The following CASP9 variants were observed in gnomAD, a reference collection of about 807,000 sequenced individuals.
CASP9 encodes caspase-9.
A neutral mutation model predicts 43.5 loss-of-function variants in CASP9; 29 were observed. That is an observed-to-expected ratio of 0.67 (90% CI 0.50 to 0.91). The LOEUF (loss-of-function observed/expected upper bound fraction) is 0.91, where lower values mean the gene tolerates loss of function less well. Ranked by LOEUF, CASP9 falls within the 40% of genes least tolerant of loss-of-function variation. The probability of loss-of-function intolerance (pLI) is 0.00; values close to 1 mark genes in which losing one functional copy is unlikely to be tolerated. For missense variants in CASP9, 575 were observed against 537.4 expected, an observed-to-expected ratio of 1.07 and a Z score of -0.69; for synonymous variants, 206 against 211.9, an observed-to-expected ratio of 0.97 and a Z score of 0.24.
chr1:15,515,522 T>A (rs754707704), intron 2 of CASP9, among the ~76,000 whole-genome samples: 1 of 152,172 alleles, frequency 6.6e-6, no homozygotes, highest in Non-Finnish European at 1.5e-5. Flanking sequence ...AACCCACATG[T>A]CCATCAATAG....
chr1:15,493,617 C>A (rs1288849956), intron 8 of CASP9: 1 of 1,438,014 alleles, frequency 7.0e-7, no homozygotes, highest in African/African-American at 1.4e-5. Flanking sequence ...GCACTGAGGA[C>A]CAGCTCCATC....
Position 15,492,832 on chromosome 1 carries a change from TGCCGGCTGCA to T in CASP9, c.*101_*110del, listed in dbSNP as rs1336827390. The T allele has an allele frequency of 2.1e-6, 3 of 1,445,808 alleles. No homozygotes were observed. The highest frequency in any genetic ancestry group is 2.8e-6 in the Non-Finnish European group (3 of 1,072,470). 89.6% of individuals were successfully genotyped at this position (1,445,808 alleles called of 1,614,324 possible). On this transcript the variant is annotated 3_prime_UTR_variant, in exon 9 of 9. Transcript: ENST00000333868. ...ACTGGCAGAGAAAGAGCAGACCCTG[TGCCGGCTGCA>T]AAGTCCTTGAGTTGCAGGAAAGTCC... is the stretch of plus-strand genomic sequence containing the variant.
chr1:15,524,060 G>T lies in CASP9; in HGVS notation c.132+9C>A. 6.7e-7 allele frequency: 1 copy of T among 1,494,416 alleles called. No individual in the cohort carries two copies. Among genetic ancestry groups the T allele is most frequent in the East Asian group, 2.8e-5 (1 of 35,750 alleles). 92.6% of individuals were successfully genotyped at this position (1,494,416 alleles called of 1,614,324 possible). A position where few individuals can be genotyped will look rare whatever the true frequency, so the allele number is the denominator to read the frequency against. On this transcript the variant is annotated intron_variant, in intron 1 of 8. Coordinates refer to ENST00000333868, the MANE Select transcript of CASP9 (RefSeq NM_001229.5). ...CGTGCAGCGCGGGGACAGGGGGCCG[G>T]GGGCGCACCTGGATGTCCTCGATCA... is the stretch of plus-strand genomic sequence containing the variant.
chr1:15,520,793 A>T (rs1224658384), intron 1 of CASP9, among the ~76,000 whole-genome samples: 4 of 152,148 alleles, frequency 2.6e-5, no homozygotes, highest in African/African-American at 9.7e-5. Flanking sequence ...TCTACTAAAA[A>T]TACAAAAAAA....
intron 4 of CASP9, 87 bp downstream of exon 4, chr1:15,506,812 G>A: frequency 8.7e-7 from 1 of 1,151,740 alleles, no homozygotes; most frequent in South Asian, 1.4e-5. Flanking sequence ...CTCGCCTGGG[G>A]AGTCAGCTGG....
At chr1:15,513,282 C>G (rs1709833918) in intron 2 of CASP9, among the ~76,000 whole-genome samples, 1 of 151,966 alleles carries the variant, frequency 6.6e-6, no homozygotes, top group Admixed American at 6.5e-5. Context: ...GGGGATGCAG[C>G]ATTGAACAAA....
chr1:15,495,358 T>G lies in CASP9; in HGVS notation c.963A>C (p.Glu321Asp). The G allele has an allele frequency of 6.2e-7, 1 of 1,610,020 alleles. No homozygotes were observed. The highest frequency in any genetic ancestry group is 8.5e-7 in the Non-Finnish European group (1 of 1,178,712). The part of the protein sequence containing the change: ...NPEPDATPFQ[E>D]GLRTFDQLDA... Reference sequence around the variant, plus strand: ...CCAGCTGGTCGAAGGTCCTCAAACCTTCCTGGAACGGGGTGGCATCTGGCT... The same window carrying G: ...CCAGCTGGTCGAAGGTCCTCAAACCGTCCTGGAACGGGGTGGCATCTGGCT... The change falls in exon 7 of 9, where the codon GAA (glutamate) becomes GAC (aspartate). Residue 321 changes from glutamate to aspartate, a missense_variant. Physicochemically the swap from Glu to Asp is conservative, Grantham distance 45. Coordinates refer to ENST00000333868, the MANE Select transcript of CASP9 (RefSeq NM_001229.5).
At chr1:15,522,574 G>T (rs530041579) in intron 1 of CASP9, among the ~76,000 whole-genome samples, 1 of 152,250 alleles carries the variant, frequency 6.6e-6, no homozygotes, top group East Asian at 1.9e-4. Flanking sequence ...AATTAGCCAG[G>T]CATGGTGGCA....
Position 15,495,427 on chromosome 1 carries a change from C to A in CASP9, c.894G>T (p.Val298=). The A allele has an allele frequency of 6.3e-7, 1 of 1,599,954 alleles. No individual in the cohort carries two copies. The highest frequency in any genetic ancestry group is 2.2e-5 in the East Asian group (1 of 44,590). ...GGEQKDHGFE[V]ASTSPEDESP... The stretch of plus-strand genomic sequence containing the variant: ...ACTCGTCTTCAGGGGAAGTGGAGGC[C>A]ACCTCAAACCCATGGTCTTTCTGCT... The change falls in exon 7 of 9, where the codon GTG becomes GTT. Residue 298 remains valine, a synonymous_variant. Coordinates refer to ENST00000333868, the MANE Select transcript of CASP9 (RefSeq NM_001229.5).
At chr1:15,521,990 T>C (rs1338445942) in intron 1 of CASP9, among the ~76,000 whole-genome samples, 1 of 152,222 alleles carries the variant, frequency 6.6e-6, no homozygotes. Flanking sequence ...TAAGTCTCAC[T>C]AGCAGAACAG....
At chr1:15,521,856 G>C (rs1233630776) in intron 1 of CASP9, among the ~76,000 whole-genome samples, 6 of 152,178 alleles carry the variant, frequency 3.9e-5, no homozygotes, top group Non-Finnish European at 8.8e-5. Context: ...CACAGGCCCT[G>C]TAAGGCTTGA....
chr1:15,516,976 G>A (rs1413013559), intron 2 of CASP9, among the ~76,000 whole-genome samples: 1 of 152,212 alleles, frequency 6.6e-6, no homozygotes, highest in Non-Finnish European at 1.5e-5. Context: ...CCTTACAAGA[G>A]AGATGGAGAG....
At chr1:15,517,371 A>C (rs940453964) in intron 2 of CASP9, among the ~76,000 whole-genome samples, 1 of 152,166 alleles carries the variant, frequency 6.6e-6, no homozygotes, top group Non-Finnish European at 1.5e-5. Flanking sequence ...AAGGACAAGC[A>C]AAAGGGATCT....
rs199896576 is a variant in CASP9, at chr1:15,498,461, CA to C, written c.869-3010del. The stretch of plus-strand genomic sequence containing the variant: ...AACTCCTGAGCTCAAGCAATCACCC[CA>C]AAAAAATGGTTAAGATAGTAAATTT... On this transcript the variant is annotated intron_variant, in intron 6 of 8. Transcript: ENST00000333868. 3.6e-3 allele frequency among the ~76,000 whole-genome samples: 553 copies of C among 151,804 alleles called. 5 individuals are homozygous for C. The highest frequency in any genetic ancestry group is 0.022 in the East Asian group (116 of 5,182).
intron 2 of CASP9, among the ~76,000 whole-genome samples, chr1:15,515,332 G>A (rs1245877509): frequency 6.6e-6 from 1 of 152,152 alleles, no homozygotes; most frequent in Non-Finnish European, 1.5e-5. Context: ...ATGTTTGTCT[G>A]TTTCTCTGCT....
chr1:15,514,645 G>A (rs746719075), intron 2 of CASP9, among the ~76,000 whole-genome samples: 6 of 152,106 alleles, frequency 3.9e-5, no homozygotes, highest in South Asian at 2.1e-4. Flanking sequence ...TGTCTACCAC[G>A]GCACAGGGTG....
chr1:15,496,273 T>C (rs752768340), intron 6 of CASP9, among the ~76,000 whole-genome samples: 12 of 152,070 alleles, frequency 7.9e-5, no homozygotes, highest in Non-Finnish European at 1.8e-4. Context: ...TACCTCAACA[T>C]AGTAAAAGCC....
At position 15,518,396 on chromosome 1, in the gene CASP9, C is replaced by T. The variant is rs1429879903; in HGVS notation, c.133-1G>A. 6.2e-7 allele frequency: 1 copy of T among 1,607,938 alleles called. No individual in the cohort carries two copies. The highest frequency in any genetic ancestry group is 2.2e-5 in the East Asian group (1 of 44,744). The stretch of plus-strand genomic sequence containing the variant: ...CCCGCCGAGATCCAGAGCCTGCCCG[C>T]TGTTTGGAAAGAAAGGCAGGATACT... On this transcript the variant is annotated splice_acceptor_variant, in intron 1 of 8. Coordinates refer to ENST00000333868, the MANE Select transcript of CASP9 (RefSeq NM_001229.5). LOFTEE classifies it high-confidence loss of function.
At chr1:15,494,564 CAAA>C (rs34522526) in intron 7 of CASP9, among the ~76,000 whole-genome samples, 6 of 97,380 alleles carry the variant, frequency 6.2e-5, no homozygotes, top group Non-Finnish European at 6.5e-5. Flanking sequence ...GACTCCGTCT[CAAA>C]AAAAAAAAAA....
Sources: allele counts gnomAD v4.1 joint callset (sites outside exome capture counted in the v4.1 genomes callset), GRCh38; gene constraint gnomAD v4.1.1; transcripts MANE v1.5; gene names NCBI Gene and HGNC (gene_info 2026-07-23, HGNC 2026-07-21).